Variants in U2SURP observed in about 807,000 individuals in gnomAD.
U2SURP encodes the protein U2 snRNP associated SURP domain containing.
U2SURP carries 9 observed loss-of-function variants against 144.9 expected under a neutral mutation model. That is an observed-to-expected ratio of 0.06 (90% CI 0.04 to 0.11). The LOEUF (loss-of-function observed/expected upper bound fraction) is 0.11. U2SURP is among the 10% of genes least tolerant of loss of function. U2SURP has a pLI of 1.00. For synonymous variants in U2SURP, 408 were observed against 396.8 expected, an observed-to-expected ratio of 1.03 and a Z score of -0.33; for missense variants, 724 against 1,226.7, an observed-to-expected ratio of 0.59 and a Z score of 6.12.
chr3:143,016,791 A>G (rs1418141440), intron 5 of U2SURP, 51 bp from the exon 6 acceptor site: 24 of 1,440,590 alleles, frequency 1.7e-5, no homozygotes, highest in Admixed American at 2.8e-5. Flanking sequence ...ATAAAACAGT[A>G]AAGAAAAATA....
chr3:143,034,284 A>T (rs945313205), intron 18 of U2SURP, among the ~76,000 whole-genome samples: 1 of 152,020 alleles, frequency 6.6e-6, no homozygotes, highest in African/African-American at 2.4e-5. Context: ...TGCCTCTGTA[A>T]TCCCAGCTAC....
chr3:143,034,380 G>A (rs1298778602), intron 18 of U2SURP: 2 of 151,596 alleles, frequency 1.3e-5, no homozygotes, highest in Non-Finnish European at 2.9e-5. Context: ...CTCTAGCTTG[G>A]GTGACGAGCA....
chr3:143,046,306 T>TA (rs1934448648), intron 24 of U2SURP, among the ~76,000 whole-genome samples: 3 of 143,590 alleles, frequency 2.1e-5, no homozygotes, highest in South Asian at 2.2e-4. Context: ...TATTTTTTTT[T>TA]ATTTTTATTT....
intron 2 of U2SURP, 122 bp downstream of exon 2, chr3:143,010,981 C>A: frequency 1.4e-6 from 1 of 699,270 alleles, no homozygotes; most frequent in Non-Finnish European, 2.2e-6. Flanking sequence ...TTTTCTTTTA[C>A]TCTTTTTTTT....
At chr3:143,035,941 G>T in intron 19 of U2SURP, 41 bp from the exon 20 acceptor site, 1 of 1,557,576 alleles carries the variant, frequency 6.4e-7, no homozygotes, top group Non-Finnish European at 8.6e-7. Flanking sequence ...GAGACATATA[G>T]CCCAAAATAA....
At chr3:143,004,328 C>T (rs1935705201) in intron 1 of U2SURP, among the ~76,000 whole-genome samples, 1 of 146,662 alleles carries the variant, frequency 6.8e-6, no homozygotes, top group Admixed American at 6.8e-5. Context: ...AATTAGATAA[C>T]CTCTACAGGT....
intron 1 of U2SURP, among the ~76,000 whole-genome samples, chr3:143,008,545 T>C (rs1434927897): frequency 1.3e-5 from 2 of 152,264 alleles, no homozygotes; most frequent in East Asian, 3.8e-4. Flanking sequence ...GTCATTGACA[T>C]TATCTTAATA....
At chr3:143,038,983 T>C in intron 23 of U2SURP, 23 bp downstream of exon 23, 1 of 1,447,528 alleles carries the variant, frequency 6.9e-7, no homozygotes, top group Non-Finnish European at 9.3e-7. Context: ...GTTTTGAATA[T>C]ACTGTTTCTT....
chr3:143,008,905 C>T (rs562545784), intron 1 of U2SURP, among the ~76,000 whole-genome samples: 169 of 152,228 alleles, frequency 1.1e-3, no homozygotes, highest in African/African-American at 3.5e-3. Flanking sequence ...GGACTACAGG[C>T]GCCTGGCTAA....
rs933376660 is a variant in U2SURP, at chr3:143,060,651, A to T, written c.*4201A>T. ...TCTCAAGTGAAATAAGTGATGTGAC[A>T]TGTTTATCAGTTATGGCTAAAATGT... is the stretch of plus-strand genomic sequence containing the variant. On this transcript the variant is annotated 3_prime_UTR_variant, in exon 28 of 28. Transcript: ENST00000473835. 5.3e-5 allele frequency: 8 copies of T among 152,014 alleles called. No homozygotes were observed. The highest frequency in any genetic ancestry group is 1.9e-4 in the African/African-American group (8 of 41,442). 9.4% of individuals were successfully genotyped at this position (152,014 alleles called of 1,614,324 possible).
chr3:143,010,047 A>T (rs947048930), intron 1 of U2SURP, among the ~76,000 whole-genome samples: 3 of 152,344 alleles, frequency 2.0e-5, no homozygotes, highest in African/African-American at 7.2e-5. Context: ...CCAAGTAAAA[A>T]TTCTTGGAGA....
intron 22 of U2SURP, 93 bp downstream of exon 22, chr3:143,038,296 A>T: frequency 2.2e-6 from 2 of 904,732 alleles, no homozygotes; most frequent in Non-Finnish European, 3.2e-6. Context: ...TATGTTTTAT[A>T]ACACGTTTTA....
intron 24 of U2SURP, among the ~76,000 whole-genome samples, chr3:143,047,937 A>G (rs953859871): frequency 6.6e-6 from 1 of 151,902 alleles, no homozygotes; most frequent in Non-Finnish European, 1.5e-5. Context: ...AATCTTTCAC[A>G]TACCACTGAG....
Position 143,033,279 on chromosome 3 carries a change from A to T in U2SURP, c.1782A>T (p.Arg594Ser). Residue 594 changes from arginine to serine, a missense_variant, in exon 18 of 28, where the codon AGA becomes AGT. Physicochemically the swap from Arg to Ser is moderately radical, Grantham distance 110. This residue lies in a region of U2SURP where 19 missense variants were observed against 62.2 expected (regional missense o/e 0.31). Coordinates refer to ENST00000473835, the MANE Select transcript of U2SURP (RefSeq NM_001080415.2). Reference sequence around the variant, plus strand: ...ATCTTTTGATATTATAGATTGCCAGATTATATTTGGTTTCTGATGTTTTGT... The same window carrying T: ...ATCTTTTGATATTATAGATTGCCAGTTTATATTTGGTTTCTGATGTTTTGT... ...LKTPLPKKIA[R>S]LYLVSDVLYN... The T allele has an allele frequency of 6.5e-7, 1 of 1,538,140 alleles. No homozygotes were observed. The highest frequency in any genetic ancestry group is 8.8e-7 in the Non-Finnish European group (1 of 1,135,982).
rs1298259004 is a variant in U2SURP, at chr3:143,060,369, ATAATT to A, written c.*3922_*3926del. On this transcript the variant is annotated 3_prime_UTR_variant, in exon 28 of 28. Coordinates refer to ENST00000473835, the MANE Select transcript of U2SURP (RefSeq NM_001080415.2). The stretch of plus-strand genomic sequence containing the variant: ...AATTTCTTTTGGGTGAACTGATTCT[ATAATT>A]TACTTACTTTTAATGTAAGGATTAG... 2 of 152,022 alleles carry A rather than the reference ATAATT, an allele frequency of 1.3e-5. No individual in the cohort carries two copies. Among genetic ancestry groups the A allele is most frequent in the African/African-American group, 2.4e-5 (1 of 41,440 alleles). 9.4% of individuals were successfully genotyped at this position (152,022 alleles called of 1,614,324 possible). A position where few individuals can be genotyped will look rare whatever the true frequency, so the allele number is the denominator to read the frequency against.
chr3:143,055,091 C>T lies in U2SURP; in HGVS notation c.2923C>T (p.Pro975Ser). ...GTCCAGGTCATCTCACAAAGATTCTCCTAGAGATGTTAGCAAAAAAGCCAA... is the reference window on the plus strand; with the variant it reads ...GTCCAGGTCATCTCACAAAGATTCTTCTAGAGATGTTAGCAAAAAAGCCAA... ...SRSRSSHKDS[P>S]RDVSKKAKRS... The change falls in exon 27 of 28, where the codon CCT (proline) becomes TCT (serine). Residue 975 changes from proline (P) to serine (S), a missense_variant. Transcript: ENST00000473835. 6.2e-7 allele frequency: 1 copy of T among 1,601,774 alleles called. No individual in the cohort carries two copies. Among genetic ancestry groups the T allele is most frequent in the Non-Finnish European group, 8.5e-7 (1 of 1,175,668 alleles).
chr3:143,010,980 A>C, intron 2 of U2SURP, 121 bp downstream of exon 2: 5 of 645,366 alleles, frequency 7.7e-6, no homozygotes, highest in Middle Eastern at 4.7e-4. Context: ...TTTTTCTTTT[A>C]CTCTTTTTTT....
At position 143,016,924 on chromosome 3, in the gene U2SURP, G is replaced by A; in HGVS notation, c.519G>A (p.Gln173=). 2 of 1,594,408 alleles carry A rather than the reference G, an allele frequency of 1.3e-6. No individual in the cohort carries two copies. Among genetic ancestry groups the A allele is most frequent in the Non-Finnish European group, 1.7e-6 (2 of 1,173,046 alleles). The change falls in exon 6 of 28, where the codon CAG becomes CAA. Residue 173 remains glutamine, a synonymous_variant. Coordinates refer to ENST00000473835, the MANE Select transcript of U2SURP (RefSeq NM_001080415.2). ...RFADQKNPPN[Q]SSNERPPSLL... ...CAGATCAAAAAAATCCTCCAAATCA[G>A]TCTTCCAATGAAAGACCACCATCTC...
intron 24 of U2SURP, among the ~76,000 whole-genome samples, chr3:143,043,859 C>T (rs1934255464): frequency 6.6e-6 from 1 of 151,386 alleles, no homozygotes; most frequent in Non-Finnish European, 1.5e-5. Context: ...AGCTCTCCCT[C>T]CTGGGTTCAC....
Sources: gnomAD v4.1 joint callset for allele counts (sites outside exome capture counted in the v4.1 genomes callset) on GRCh38, gnomAD v4.1.1 for gene constraint, gnomAD v4.1.1 regional missense constraint, MANE v1.5 for transcripts, NCBI Gene and HGNC (gene_info 2026-07-23, HGNC 2026-07-21) for gene names.